Variants in BTBD9 observed in about 807,000 individuals in gnomAD.
BTBD9 encodes BTB/POZ domain-containing protein 9.
BTBD9 carries 49 observed loss-of-function variants against 64.3 expected under a neutral mutation model. The observed-to-expected ratio is 0.76, with a 90% CI of 0.61 to 0.97. The LOEUF (loss-of-function observed/expected upper bound fraction) is 0.97, where lower values mean the gene tolerates loss of function less well. Among genes scored for constraint, BTBD9 ranks in the 50% least tolerant of loss-of-function variants. The pLI is 0.00. For missense variants in BTBD9, 598 were observed against 762.1 expected, an observed-to-expected ratio of 0.78 and a Z score of 2.53; for synonymous variants, 260 against 274.7, an observed-to-expected ratio of 0.95 and a Z score of 0.53.
chr6:38,553,587 A>G (rs916961491), intron 6 of BTBD9, among the ~76,000 whole-genome samples: 10 of 152,218 alleles, frequency 6.6e-5, no homozygotes, highest in Admixed American at 2.0e-4. Flanking sequence ...ACAATGTAGG[A>G]TACTCTTTGC....
At chr6:38,349,552 G>C (rs1764419364) in intron 6 of BTBD9, among the ~76,000 whole-genome samples, 1 of 152,010 alleles carries the variant, frequency 6.6e-6, no homozygotes, top group Non-Finnish European at 1.5e-5. Context: ...TTTATTATTA[G>C]TTATTGTTGT....
chr6:38,254,392 T>G (rs1214674379), intron 9 of BTBD9, among the ~76,000 whole-genome samples: 1 of 152,006 alleles, frequency 6.6e-6, no homozygotes, highest in Admixed American at 6.6e-5. Flanking sequence ...AAGCCATCAT[T>G]AATACTGTTA....
chr6:38,455,578 TTGTG>T (rs1165913988), intron 6 of BTBD9, among the ~76,000 whole-genome samples: 2 of 152,252 alleles, frequency 1.3e-5, no homozygotes, highest in African/African-American at 4.8e-5. Flanking sequence ...ATACATGCTG[TTGTG>T]TGTGTAAGCT....
In BTBD9 at chr6:38,598,078, G is replaced by A. The variant is rs1194211383; in HGVS notation, c.17C>T (p.Pro6Leu). 5 of 1,613,346 alleles carry A rather than the reference G, an allele frequency of 3.1e-6. No homozygotes were observed. Among genetic ancestry groups the A allele is most frequent in the Non-Finnish European group, 4.2e-6 (5 of 1,179,690 alleles). ...CCCCACTGCAGTAAAGGGGCGAAGA[G>A]GGTGGCTGTTACTCATCTTGTGGAA... MSNSH[P>L]LRPFTAVGEI... The change falls in exon 2 of 11, where the codon CCT becomes CTT. Residue 6 changes from proline (P) to leucine (L), a missense_variant. By Grantham distance (98) the Pro-to-Leu change is moderately conservative. Transcript: ENST00000481247.
intron 6 of BTBD9, among the ~76,000 whole-genome samples, chr6:38,455,067 A>G (rs2127343000): frequency 6.6e-6 from 1 of 152,232 alleles, no homozygotes; most frequent in South Asian, 2.1e-4. Flanking sequence ...TAAATAAATA[A>G]ATAAATATTT....
Position 38,345,075 on chromosome 6 carries a change from C to A in BTBD9, c.1173G>T (p.Gly391=), listed in dbSNP as rs1194950140. 6.2e-7 allele frequency: 1 copy of A among 1,604,572 alleles called. No individual in the cohort carries two copies. Among genetic ancestry groups the A allele is most frequent in the Non-Finnish European group, 8.5e-7 (1 of 1,173,746 alleles). ...AAATCTTGTTCACTGTGTTGTGAGT[C>A]CCAACAATTCGAATATACCTGACGG... ...ARVCRYIRIV[G]THNTVNKIFH... Residue 391 remains glycine (G), a synonymous_variant, in exon 7 of 11, where the codon GGG becomes GGT. Coordinates refer to ENST00000481247, the MANE Select transcript of BTBD9 (RefSeq NM_001099272.2).
chr6:38,275,717 A>G (rs2127547081), intron 8 of BTBD9, among the ~76,000 whole-genome samples: 1 of 152,364 alleles, frequency 6.6e-6, no homozygotes, highest in East Asian at 1.9e-4. Context: ...TCAAAAGAAG[A>G]TATTTATGCA....
At chr6:38,382,032 T>C (rs1765956024) in intron 6 of BTBD9, among the ~76,000 whole-genome samples, 1 of 152,186 alleles carries the variant, frequency 6.6e-6, no homozygotes, top group Non-Finnish European at 1.5e-5. Context: ...GAAAATCAAC[T>C]AAAGTACTGG....
At chr6:38,587,892 T>G (rs1006155772) in intron 4 of BTBD9, 1 of 723,190 alleles carries the variant, frequency 1.4e-6, no homozygotes, top group Non-Finnish European at 2.6e-6. Context: ...GCATTTGGCT[T>G]AACAGATGAT....
chr6:38,375,942 G>GAAAGAAAGAAAGAAA (rs1562098258), intron 6 of BTBD9, among the ~76,000 whole-genome samples: 2 of 26,164 alleles, frequency 7.6e-5, no homozygotes, highest in African/African-American at 2.6e-4. Flanking sequence ...AAAGAAAGAA[G>GAAAGAAAGAAAGAAA]GAAAGAAGGA....
At chr6:38,179,797 G>A (rs1426037141) in intron 10 of BTBD9, 1 of 456,682 alleles carries the variant, frequency 2.2e-6, no homozygotes, top group African/African-American at 2.0e-5. Context: ...TCAGAGGTGT[G>A]TGAGAAACTA....
At chr6:38,548,209 GAT>G (rs1774641541) in intron 6 of BTBD9, among the ~76,000 whole-genome samples, 1 of 152,184 alleles carries the variant, frequency 6.6e-6, no homozygotes, top group Non-Finnish European at 1.5e-5. Context: ...AGTAAGAAGT[GAT>G]AGGATTACTT....
At chr6:38,217,234 G>T (rs1033063323) in intron 9 of BTBD9, among the ~76,000 whole-genome samples, 1 of 146,892 alleles carries the variant, frequency 6.8e-6, no homozygotes, top group Non-Finnish European at 1.5e-5. Flanking sequence ...CAGGAGAATC[G>T]CTTGAACCCG....
At chr6:38,295,570 TCTTTA>T (rs1361906699) in intron 7 of BTBD9, among the ~76,000 whole-genome samples, 1 of 152,236 alleles carries the variant, frequency 6.6e-6, no homozygotes, top group African/African-American at 2.4e-5. Context: ...TATGTTTGTT[TCTTTA>T]ATCTATTCAG....
At chr6:38,392,636 T>C (rs1336844049) in intron 6 of BTBD9, among the ~76,000 whole-genome samples, 1 of 152,138 alleles carries the variant, frequency 6.6e-6, no homozygotes, top group Non-Finnish European at 1.5e-5. Context: ...GTTTCAGAGA[T>C]ATAAAGTAAC....
At chr6:38,571,199 T>C (rs1775750341) in intron 6 of BTBD9, among the ~76,000 whole-genome samples, 1 of 152,244 alleles carries the variant, frequency 6.6e-6, no homozygotes, top group South Asian at 2.1e-4. Context: ...AAAGGCTCAG[T>C]ATTATTCTAG....
intron 9 of BTBD9, among the ~76,000 whole-genome samples, chr6:38,227,320 G>A (rs915906352): frequency 6.6e-6 from 1 of 152,208 alleles, no homozygotes; most frequent in African/African-American, 2.4e-5. Flanking sequence ...TGTTTTAGGA[G>A]CACATATTTA....
intron 6 of BTBD9, among the ~76,000 whole-genome samples, chr6:38,422,036 C>T (rs1307914022): frequency 6.6e-6 from 1 of 152,124 alleles, no homozygotes; most frequent in South Asian, 2.1e-4. Flanking sequence ...AAGCCAGTGC[C>T]TTCAAATGCA....
chr6:38,477,908 C>A (rs1770962104), intron 6 of BTBD9, among the ~76,000 whole-genome samples: 1 of 152,320 alleles, frequency 6.6e-6, no homozygotes, highest in East Asian at 1.9e-4. Flanking sequence ...AAAGACAATT[C>A]ACACAAGGTC....
Sources: gnomAD v4.1 joint callset for allele counts (sites outside exome capture counted in the v4.1 genomes callset) on GRCh38, gnomAD v4.1.1 for gene constraint, MANE v1.5 for transcripts, NCBI Gene and HGNC (gene_info 2026-07-23, HGNC 2026-07-21) for gene names.